The following SPRYD3 variants were observed in gnomAD, a reference collection of about 807,000 sequenced individuals.
SPRYD3 encodes the protein SPRY domain containing 3, also known as SPRY domain-containing protein 3.
SPRYD3 carries 17 observed loss-of-function variants against 50.1 expected under a neutral mutation model. That is an observed-to-expected ratio of 0.34 (90% CI 0.23 to 0.51). The LOEUF (loss-of-function observed/expected upper bound fraction) is 0.51, where lower values mean the gene tolerates loss of function less well. Among genes scored for constraint, SPRYD3 ranks in the 20% least tolerant of loss-of-function variants. The probability of loss-of-function intolerance (pLI) is 0.97; values close to 1 mark genes in which losing one functional copy is unlikely to be tolerated. For missense variants in SPRYD3, 401 were observed against 591.2 expected (o/e 0.68, Z 3.34); for synonymous variants, 198 against 215.5 (o/e 0.92, Z 0.71).
At chr12:53,068,122 C>A (rs1944523215) in intron 7 of SPRYD3, 33 bp downstream of exon 7, 2 of 1,613,500 alleles carry the variant, frequency 1.2e-6, no homozygotes, top group African/African-American at 1.3e-5. Context: ...CTGAGCAGCT[C>A]CATGAGCAAA....
Position 53,079,378 on chromosome 12 carries a change from AC to A in SPRYD3, c.-46del. ...GCACACAAGCTCTTCGGCCGCCGCC[AC>A]CACACACATCCGGGTCCCCGCCTTT... On this transcript the variant is annotated 5_prime_UTR_variant, in exon 1 of 11. Coordinates refer to ENST00000301463, the MANE Select transcript of SPRYD3 (RefSeq NM_032840.3). 1 of 1,591,628 alleles carries A rather than the reference AC, an allele frequency of 6.3e-7. No individual in the cohort carries two copies. The highest frequency in any genetic ancestry group is 1.1e-5 in the South Asian group (1 of 88,552).
intron 5 of SPRYD3, among the ~76,000 whole-genome samples, chr12:53,073,973 G>A (rs891783617): frequency 4.0e-5 from 6 of 151,518 alleles, no homozygotes; most frequent in African/African-American, 1.5e-4. Flanking sequence ...AGCAAGGTAT[G>A]TACAGAGCTA....
intron 6 of SPRYD3, among the ~76,000 whole-genome samples, chr12:53,072,855 T>G (rs1288018025): frequency 6.6e-6 from 1 of 152,166 alleles, no homozygotes; most frequent in Non-Finnish European, 1.5e-5. Context: ...AAAAGATGGC[T>G]AAGAACCTTC....
intron 1 of SPRYD3, among the ~76,000 whole-genome samples, chr12:53,077,597 A>G (rs1944598700): frequency 6.6e-6 from 1 of 152,242 alleles, no homozygotes; most frequent in Non-Finnish European, 1.5e-5. Flanking sequence ...GGCAGTGGAT[A>G]GAGTGGACAG....
chr12:53,067,333 G>A (rs1944517086), intron 8 of SPRYD3, among the ~76,000 whole-genome samples: 1 of 151,938 alleles, frequency 6.6e-6, no homozygotes, highest in Non-Finnish European at 1.5e-5. Flanking sequence ...AGAAAGCCAA[G>A]GAAACCAAGC....
chr12:53,072,927 C>T (rs955520679), intron 6 of SPRYD3, among the ~76,000 whole-genome samples: 1 of 152,200 alleles, frequency 6.6e-6, no homozygotes, highest in African/African-American at 2.4e-5. Context: ...AAAGCCTGGG[C>T]CAGGCATTTT....
At chr12:53,075,683 T>C in intron 3 of SPRYD3, 53 bp downstream of exon 3, 1 of 1,406,198 alleles carries the variant, frequency 7.1e-7, no homozygotes, top group Non-Finnish European at 1.0e-6. Flanking sequence ...TGGGGCTTAA[T>C]GATCTCACCC....
Position 53,075,182 on chromosome 12 carries a change from GCAATGGTGCCCCGGACTC to G in SPRYD3, c.266_283del (p.Gly89_Ile94del). The G allele has an allele frequency of 6.2e-7, 1 of 1,613,484 alleles. No homozygotes were observed. Among genetic ancestry groups the G allele is most frequent in the Non-Finnish European group, 8.5e-7 (1 of 1,179,454 alleles). On this transcript the variant is annotated inframe_deletion, in exon 4 of 11. Coordinates refer to ENST00000301463, the MANE Select transcript of SPRYD3 (RefSeq NM_032840.3). ...GTAGTACTGAGGGACCAGCCCCACA[GCAATGGTGCCCCGGACTC>G]CACTGTCCACAATAGACACCTGGAG...
At position 53,068,580 on chromosome 12, in the gene SPRYD3, G is replaced by A. The variant is rs1293542354; in HGVS notation, c.694-276C>T. Among the ~76,000 whole-genome samples the A allele has an allele frequency of 4.6e-5, 7 of 152,180 alleles. No individual in the cohort carries two copies. In the South Asian group the frequency reaches 1.2e-3, roughly 27 times the overall value. ...GAGGCCGGGGAAAGCAGCACAGCTA[G>A]GGGAGCGGCACACCAGGGGGCTCTA... is the stretch of plus-strand genomic sequence containing the variant. On this transcript the variant is annotated intron_variant, in intron 6 of 10. Transcript: ENST00000301463.
chr12:53,067,628 C>G lies in SPRYD3; in HGVS notation c.901+20G>C. The G allele has an allele frequency of 6.2e-7, 1 of 1,613,502 alleles. No homozygotes were observed. The highest frequency in any genetic ancestry group is 8.5e-7 in the Non-Finnish European group (1 of 1,179,486). ...CACATCTCCCACCATCCCACCTTTC[C>G]CAGGCAGCCCGCTATTCACCTGCAT... On this transcript the variant is annotated intron_variant, in intron 8 of 10. Transcript: ENST00000301463.
At chr12:53,073,256 G>GGCCCCGGGGGGGGGGGGGGGGC in intron 6 of SPRYD3, 30 bp downstream of exon 6, 2 of 424,128 alleles carry the variant, frequency 4.7e-6, no homozygotes, top group Non-Finnish European at 8.8e-6. Context: ...CTCCGACCCA[G>GGCCCCGGGGGGGGGGGGGGGGC]CCCCTCCCAC....
chr12:53,070,069 G>A (rs796143574), intron 6 of SPRYD3, among the ~76,000 whole-genome samples: 20 of 152,270 alleles, frequency 1.3e-4, no homozygotes, highest in East Asian at 7.7e-4. Context: ...GCTTTCTCAC[G>A]CTAAAAGCCA....
intron 3 of SPRYD3, among the ~76,000 whole-genome samples, chr12:53,075,503 A>G (rs900584531): frequency 4.6e-5 from 7 of 152,142 alleles, no homozygotes; most frequent in Non-Finnish European, 1.0e-4. Context: ...TATGGGTCAA[A>G]GTCTACCTAG....
chr12:53,070,552 A>G (rs1944542596), intron 6 of SPRYD3, among the ~76,000 whole-genome samples: 1 of 152,196 alleles, frequency 6.6e-6, no homozygotes, highest in Admixed American at 6.5e-5. Flanking sequence ...AACAGCCGCT[A>G]ACCTCAGGCA....
In SPRYD3 at chr12:53,066,438, C is replaced by G. The variant is rs372927015; in HGVS notation, c.1070G>C (p.Arg357Pro). 11 of 1,614,014 alleles carry G rather than the reference C, an allele frequency of 6.8e-6. No homozygotes were observed. Among genetic ancestry groups the G allele is most frequent in the Non-Finnish European group, 9.3e-6 (11 of 1,180,042 alleles). ...GACATTCCGCACGTTCCGGACGGCCCGGGCAGTCGGAGACAGGATCACTGT... is the reference window on the plus strand; with the variant it reads ...GACATTCCGCACGTTCCGGACGGCCGGGGCAGTCGGAGACAGGATCACTGT... ...CDTVILSPTA[R>P]AVRNVRNVMY... is the part of the protein sequence containing the mutation. The change falls in exon 10 of 11, where the codon CGG becomes CCG. Residue 357 changes from arginine to proline, a missense_variant. By Grantham distance (103) the Arg-to-Pro change is moderately radical. Coordinates refer to ENST00000301463, the MANE Select transcript of SPRYD3 (RefSeq NM_032840.3).
chr12:53,069,664 A>G (rs1463044065), intron 6 of SPRYD3, among the ~76,000 whole-genome samples: 1 of 152,120 alleles, frequency 6.6e-6, no homozygotes, highest in Non-Finnish European at 1.5e-5. Flanking sequence ...TGCACGGGAG[A>G]CCACCTAAGC....
At chr12:53,078,170 C>A (rs1329759158) in intron 1 of SPRYD3, 2 of 419,706 alleles carry the variant, frequency 4.8e-6, no homozygotes, top group African/African-American at 2.1e-5. Context: ...CAGAGCAAGA[C>A]CCTGTCTCAA....
chr12:53,077,035 A>G, intron 2 of SPRYD3, 80 bp downstream of exon 2: 1 of 1,448,452 alleles, frequency 6.9e-7, no homozygotes, highest in Non-Finnish European at 9.5e-7. Context: ...CTGAAAAAAT[A>G]AAAGTTAAAA....
chr12:53,067,730 T>C, intron 7 of SPRYD3, 25 bp from the exon 8 acceptor site: 1 of 1,608,056 alleles, frequency 6.2e-7, no homozygotes, highest in Non-Finnish European at 8.5e-7. Context: ...GAAAAGAAAA[T>C]CTATGGTCCC....
Sources: allele counts gnomAD v4.1 joint callset (sites outside exome capture counted in the v4.1 genomes callset), GRCh38; gene constraint gnomAD v4.1.1; transcripts MANE v1.5; gene names NCBI Gene and HGNC (gene_info 2026-07-23, HGNC 2026-07-21).